SLC25A12: variants seen among roughly 807,000 people sequenced by gnomAD.
The protein encoded by SLC25A12 is electrogenic aspartate/glutamate antiporter SLC25A12, mitochondrial.
In SLC25A12, 32 loss-of-function variants were observed where a neutral mutation model predicts 83.3. The observed-to-expected ratio is 0.38, with a 90% CI of 0.29 to 0.52. The LOEUF (loss-of-function observed/expected upper bound fraction) is 0.52. Among genes scored for constraint, SLC25A12 ranks in the 20% least tolerant of loss-of-function variants. SLC25A12 has a pLI of 0.84. For synonymous variants in SLC25A12, 267 were observed against 291.1 expected, an observed-to-expected ratio of 0.92 and a Z score of 0.84; for missense variants, 611 against 835.6, an observed-to-expected ratio of 0.73 and a Z score of 3.31.
At chr2:171,816,524 G>C (rs1462800318) in intron 9 of SLC25A12, among the ~76,000 whole-genome samples, 1 of 151,994 alleles carries the variant, frequency 6.6e-6, no homozygotes, top group Non-Finnish European at 1.5e-5. Context: ...AGGTAAATAA[G>C]ATGTAAATAG....
intron 4 of SLC25A12, among the ~76,000 whole-genome samples, chr2:171,851,401 GGCT>G (rs1684927014): frequency 1.3e-5 from 2 of 150,474 alleles, no homozygotes; most frequent in Non-Finnish European, 3.0e-5. Flanking sequence ...CTGTTGGCCA[GGCT>G]GGTCTCAAAC....
In SLC25A12 at chr2:171,868,833, T is replaced by A. The variant is rs745928973; in HGVS notation, c.67-10A>T. ...CCTCAGTACTGGCATACTAAAAAAA[T>A]AAATAAATAATGCATACTGAAAAAT... On this transcript the variant is annotated splice_polypyrimidine_tract_variant and intron_variant, in intron 2 of 17. Coordinates refer to ENST00000422440, the MANE Select transcript of SLC25A12 (RefSeq NM_003705.5). 1.2e-6 allele frequency: 2 copies of A among 1,601,640 alleles called. No homozygotes were observed. Among genetic ancestry groups the A allele is most frequent in the Admixed American group, 3.3e-5 (2 of 59,966 alleles).
intron 13 of SLC25A12, among the ~76,000 whole-genome samples, chr2:171,796,837 C>G (rs907771886): frequency 1.3e-5 from 2 of 152,192 alleles, no homozygotes; most frequent in South Asian, 4.1e-4. Context: ...GGGAAACACA[C>G]ATGGCAAATA....
intron 14 of SLC25A12, 51 bp downstream of exon 14, chr2:171,793,576 T>C: frequency 6.3e-7 from 1 of 1,577,732 alleles, no homozygotes; most frequent in Non-Finnish European, 8.7e-7. Context: ...AAGTCTGGTT[T>C]CCACATTCTT....
chr2:171,859,702 A>G (rs534284639), intron 3 of SLC25A12, among the ~76,000 whole-genome samples: 5 of 152,294 alleles, frequency 3.3e-5, no homozygotes, highest in African/African-American at 1.2e-4. Context: ...ATGGGGAGTC[A>G]TTATGTAATT....
intron 5 of SLC25A12, among the ~76,000 whole-genome samples, chr2:171,840,163 T>C (rs907607729): frequency 1.3e-5 from 2 of 152,088 alleles, no homozygotes; most frequent in African/African-American, 4.8e-5. Flanking sequence ...TTTTCCCTGA[T>C]TCCCTAATCC....
intron 13 of SLC25A12, among the ~76,000 whole-genome samples, chr2:171,802,245 A>G (rs1467834363): frequency 6.6e-6 from 1 of 152,182 alleles, no homozygotes; most frequent in Non-Finnish European, 1.5e-5. Flanking sequence ...GGCTCAAGCC[A>G]TCTTCCCACC....
Position 171,785,437 on chromosome 2 carries a change from A to G in SLC25A12, c.1874T>C (p.Ile625Thr). ...AGGGTTGGCAGGAGGAAGGTCTGCA[A>G]TGCGTGACTTAGGTGTTGGTTCTGA... is the stretch of plus-strand genomic sequence containing the variant. ...AGSEPTPKSR[I>T]ADLPPANPDH... The change falls in exon 18 of 18, where the codon ATT (isoleucine) becomes ACT (threonine). Residue 625 changes from isoleucine to threonine, a missense_variant. Physicochemically the swap from Ile to Thr is moderately conservative, Grantham distance 89. Transcript: ENST00000422440. 6.2e-7 allele frequency: 1 copy of G among 1,614,244 alleles called. No homozygotes were observed. Among genetic ancestry groups the G allele is most frequent in the African/African-American group, 1.3e-5 (1 of 75,074 alleles).
At chr2:171,855,785 C>T (rs749186103) in intron 4 of SLC25A12, 49 bp downstream of exon 4, 28 of 1,050,016 alleles carry the variant, frequency 2.7e-5, no homozygotes, top group Non-Finnish European at 4.1e-5. Flanking sequence ...CAATTGAAGA[C>T]TGGACCAGCA....
At chr2:171,790,108 C>T (rs930553572) in intron 15 of SLC25A12, among the ~76,000 whole-genome samples, 3 of 152,194 alleles carry the variant, frequency 2.0e-5, no homozygotes, top group Non-Finnish European at 4.4e-5. Context: ...CCTGTCTTCA[C>T]GAGCAAGAAC....
intron 2 of SLC25A12, among the ~76,000 whole-genome samples, chr2:171,883,026 C>T (rs1302953708): frequency 6.6e-6 from 1 of 152,030 alleles, no homozygotes; most frequent in Non-Finnish European, 1.5e-5. Context: ...TGAGAGAAAT[C>T]GGTATTTGTC....
intron 3 of SLC25A12, among the ~76,000 whole-genome samples, chr2:171,857,681 T>C (rs1317577795): frequency 6.6e-6 from 1 of 150,562 alleles, no homozygotes; most frequent in African/African-American, 2.5e-5. Context: ...CCAGACCCTG[T>C]TTAAAAAAAA....
chr2:171,892,722 T>TA (rs1196395556), intron 2 of SLC25A12, among the ~76,000 whole-genome samples: 1 of 48,130 alleles, frequency 2.1e-5, no homozygotes, highest in African/African-American at 4.1e-5. Context: ...CATTTTGGGG[T>TA]AAAATCCCCA....
rs777746589 is a variant in SLC25A12, at chr2:171,844,871, CT to C, written c.326-364del. 1.2e-3 allele frequency among the ~76,000 whole-genome samples: 190 copies of C among 152,170 alleles called. 1 individual carries two copies. The highest frequency in any genetic ancestry group is 2.2e-3 in the Non-Finnish European group (148 of 67,976). On this transcript the variant is annotated intron_variant, in intron 4 of 17. Coordinates refer to ENST00000422440, the MANE Select transcript of SLC25A12 (RefSeq NM_003705.5). ...GTTTCTCAAGGAGTCGAATTAAACC[CT>C]TTATCAGAAGCATGAATACCTAAAT... is the stretch of plus-strand genomic sequence containing the variant.
chr2:171,872,055 C>T lies in SLC25A12; in HGVS notation c.67-3232G>A, dbSNP rs1685468816. On this transcript the variant is annotated intron_variant, in intron 2 of 17. Transcript: ENST00000422440. Reference sequence around the variant, plus strand: ...TACCAAAAGCATTCAAGAAATATCACCCCAAAATAAAGTCATGTTCTCTAT... The same window carrying T: ...TACCAAAAGCATTCAAGAAATATCATCCCAAAATAAAGTCATGTTCTCTAT... 2.0e-5 allele frequency among the ~76,000 whole-genome samples: 3 copies of T among 151,476 alleles called. No homozygotes were observed. The South Asian group carries it at 6.3e-4, about 32-fold the overall frequency.
In SLC25A12 at chr2:171,807,498, G is replaced by C. The variant is rs1366226021; in HGVS notation, c.1305+2108C>G. The stretch of plus-strand genomic sequence containing the variant: ...AGGTCAGCTTCATGACCAAAAACCT[G>C]GATATTGCAAACGGAAACAAATAAT... On this transcript the variant is annotated intron_variant, in intron 13 of 17. Coordinates refer to ENST00000422440, the MANE Select transcript of SLC25A12 (RefSeq NM_003705.5). 7.2e-5 allele frequency among the ~76,000 whole-genome samples: 11 copies of C among 152,270 alleles called. No homozygotes were observed. The East Asian group carries it at 2.1e-3, about 29-fold the overall frequency.
chr2:171,831,933 A>G (rs1684440221), intron 8 of SLC25A12, among the ~76,000 whole-genome samples: 1 of 152,022 alleles, frequency 6.6e-6, no homozygotes, highest in Non-Finnish European at 1.5e-5. Flanking sequence ...GAAAAACGTA[A>G]CAACAGCTAG....
chr2:171,842,156 A>C (rs1684691405), intron 5 of SLC25A12, among the ~76,000 whole-genome samples: 1 of 152,190 alleles, frequency 6.6e-6, no homozygotes, highest in South Asian at 2.1e-4. Flanking sequence ...ATGGATAGAC[A>C]AAATATAACA....
At chr2:171,871,949 G>A (rs983781035) in intron 2 of SLC25A12, among the ~76,000 whole-genome samples, 1 of 141,734 alleles carries the variant, frequency 7.1e-6, no homozygotes, top group African/African-American at 2.6e-5. Context: ...AGTAGCCCAG[G>A]GGTTGCTTGA....
Sources: allele counts gnomAD v4.1 joint callset (sites outside exome capture counted in the v4.1 genomes callset), GRCh38; gene constraint gnomAD v4.1.1; transcripts MANE v1.5; gene names NCBI Gene and HGNC (gene_info 2026-07-23, HGNC 2026-07-21).